NOTCH2NLC: variants seen among roughly 807,000 people sequenced by gnomAD.
NOTCH2NLC encodes the protein notch 2 N-terminal like C, also known as notch homolog 2 N-terminal-like protein C.
NOTCH2NLC carries 4 observed loss-of-function variants against 17.7 expected under a neutral mutation model. That is an observed-to-expected ratio of 0.23 (90% CI 0.11 to 0.52). The LOEUF (loss-of-function observed/expected upper bound fraction) is 0.52. Ranked by LOEUF, NOTCH2NLC falls within the 20% of genes least tolerant of loss-of-function variation. The probability of loss-of-function intolerance (pLI) is 0.96; values close to 1 mark genes in which losing one functional copy is unlikely to be tolerated. For missense variants in NOTCH2NLC, 57 were observed against 207.2 expected (o/e 0.28, Z 4.45); for synonymous variants, 18 against 86.0 (o/e 0.21, Z 4.38).
chr1:149,416,355 C>G (rs1379429619), intron 1 of NOTCH2NLC, among the ~76,000 whole-genome samples: 1 of 44,246 alleles, frequency 2.3e-5, no homozygotes, highest in Admixed American at 2.6e-4. Flanking sequence ...AATACTTTAT[C>G]TCTTATGGCA....
intron 1 of NOTCH2NLC, among the ~76,000 whole-genome samples, chr1:149,399,302 G>A (rs1177090694): frequency 4.0e-4 from 59 of 148,146 alleles, no homozygotes; most frequent in African/African-American, 1.1e-3. Context: ...CTATTTTAAC[G>A]GGTACCTAGC....
intron 2 of NOTCH2NLC, among the ~76,000 whole-genome samples, chr1:149,445,903 A>T (rs1400283589): frequency 6.4e-3 from 700 of 110,108 alleles, no homozygotes; most frequent in South Asian, 0.014. Context: ...CCTCGTTTTA[A>T]AAAAAAAAAA....
intron 3 of NOTCH2NLC, among the ~76,000 whole-genome samples, chr1:149,457,954 GT>G (rs1251629138): frequency 1.8e-5 from 1 of 56,562 alleles, no homozygotes; most frequent in Non-Finnish European, 3.7e-5. Flanking sequence ...TCTACCCCTT[GT>G]CAACTTGAAC....
chr1:149,445,445 T>A (rs1290443568), intron 2 of NOTCH2NLC, among the ~76,000 whole-genome samples: 1 of 139,108 alleles, frequency 7.2e-6, no homozygotes, highest in East Asian at 2.2e-4. Context: ...AACAGACTGA[T>A]TTGGAGCCTT....
intron 2 of NOTCH2NLC, among the ~76,000 whole-genome samples, chr1:149,450,145 G>C (rs2084583471): frequency 6.8e-6 from 1 of 146,236 alleles, no homozygotes; most frequent in South Asian, 2.2e-4. Flanking sequence ...ACCTAGGAAG[G>C]GAGGCAGAAT....
intron 1 of NOTCH2NLC, among the ~76,000 whole-genome samples, chr1:149,420,096 T>C (rs1215700142): frequency 6.7e-6 from 1 of 149,968 alleles, no homozygotes; most frequent in Non-Finnish European, 1.5e-5. Flanking sequence ...GGTGTCGATC[T>C]CCTGACCTCG....
At chr1:149,391,044 G>A (rs2084163228) in intron 1 of NOTCH2NLC, 122 bp downstream of exon 1, 8 of 870,286 alleles carry the variant, frequency 9.2e-6, no homozygotes, top group Non-Finnish European at 1.2e-5. Flanking sequence ...GCGGAGCGAG[G>A]CCACTCGCTG....
In NOTCH2NLC at chr1:149,415,978, T is replaced by G. The variant is rs1317108845; in HGVS notation, c.136-14964T>G. On this transcript the variant is annotated intron_variant, in intron 1 of 4. Coordinates refer to ENST00000650865, the MANE Select transcript of NOTCH2NLC (RefSeq NM_001364013.2). ...TTATCTCCCATTTCAAGATCCATGT[T>G]TGCTATATGTGTCAGATGATAAAAA... Among the ~76,000 whole-genome samples the G allele has an allele frequency of 2.7e-3, 402 of 150,996 alleles. 4 individuals are homozygous for G. Among genetic ancestry groups the G allele is most frequent in the African/African-American group, 9.4e-3 (387 of 41,252 alleles).
At chr1:149,461,884 A>C in intron 3 of NOTCH2NLC, among the ~76,000 whole-genome samples, 1 of 144,786 alleles carries the variant, frequency 6.9e-6, no homozygotes, top group East Asian at 2.0e-4. Context: ...TTGCAAGGAC[A>C]AAAAACCAAA....
intron 2 of NOTCH2NLC, among the ~76,000 whole-genome samples, chr1:149,449,909 C>T (rs1195687746): frequency 2.0e-5 from 3 of 149,124 alleles, no homozygotes; most frequent in Non-Finnish European, 4.5e-5. Context: ...TTGTGTGTGG[C>T]TTCTTTCACT....
intron 2 of NOTCH2NLC, among the ~76,000 whole-genome samples, chr1:149,435,495 C>T (rs2084476847): frequency 2.0e-5 from 3 of 149,020 alleles, no homozygotes; most frequent in African/African-American, 7.4e-5. Flanking sequence ...AGATAGGGCT[C>T]TTATTCCCAA....
chr1:149,449,730 C>A (rs2084580895), intron 2 of NOTCH2NLC, among the ~76,000 whole-genome samples: 1 of 151,382 alleles, frequency 6.6e-6, no homozygotes, highest in Non-Finnish European at 1.5e-5. Flanking sequence ...CCACCATTAT[C>A]TAATTTCAAA....
intron 1 of NOTCH2NLC, among the ~76,000 whole-genome samples, chr1:149,419,047 TTTTC>T (rs1366743822): frequency 3.3e-5 from 5 of 150,266 alleles, no homozygotes; most frequent in Non-Finnish European, 3.0e-5. Flanking sequence ...TCCTTTCTTT[TTTTC>T]TTTCTTTTTT....
chr1:149,418,765 G>GTAT (rs2084359852), intron 1 of NOTCH2NLC, among the ~76,000 whole-genome samples: 1 of 134,366 alleles, frequency 7.4e-6, no homozygotes, highest in Non-Finnish European at 1.6e-5. Context: ...ACTTACCATG[G>GTAT]TATTATAGCT....
chr1:149,393,660 T>C (rs1458711293), intron 1 of NOTCH2NLC, among the ~76,000 whole-genome samples: 2 of 145,810 alleles, frequency 1.4e-5, no homozygotes, highest in African/African-American at 5.1e-5. Flanking sequence ...AGCTGAATTC[T>C]TCTCTTAAAC....
intron 1 of NOTCH2NLC, among the ~76,000 whole-genome samples, chr1:149,425,532 C>G (rs2084408422): frequency 1.3e-5 from 2 of 150,976 alleles, no homozygotes; most frequent in East Asian, 2.0e-4. Context: ...GGAAGGCCAG[C>G]ATGGGAGCCT....
intron 1 of NOTCH2NLC, among the ~76,000 whole-genome samples, chr1:149,419,876 T>G (rs1172461848): frequency 7.7e-6 from 1 of 129,316 alleles, no homozygotes; most frequent in Non-Finnish European, 1.7e-5. Context: ...TTTTTTTTTT[T>G]TTTTTCCTCA....
intron 1 of NOTCH2NLC, among the ~76,000 whole-genome samples, chr1:149,429,589 A>G (rs1379275298): frequency 6.6e-6 from 1 of 151,250 alleles, no homozygotes; most frequent in Non-Finnish European, 1.5e-5. Flanking sequence ...TATTATTATT[A>G]CTATTACCAT....
rs1340019863 is a variant in NOTCH2NLC, at chr1:149,470,954, G to T, written c.*6801G>T. Among the ~76,000 whole-genome samples, 1 of 149,324 alleles carries T rather than the reference G, an allele frequency of 6.7e-6. No homozygotes were observed. Among genetic ancestry groups the T allele is most frequent in the African/African-American group, 2.4e-5 (1 of 41,004 alleles). On this transcript the variant is annotated 3_prime_UTR_variant, in exon 5 of 5. Transcript: ENST00000650865. ...TTACATTCCAACCAGCAGTGTATGA[G>T]AATTCCAGTTTATCCACATCCTCAT...
Sources: gnomAD v4.1 joint callset for allele counts (sites outside exome capture counted in the v4.1 genomes callset) on GRCh38, gnomAD v4.1.1 for gene constraint, MANE v1.5 for transcripts, NCBI Gene and HGNC (gene_info 2026-07-23, HGNC 2026-07-21) for gene names.